ACTN4: variants seen among roughly 807,000 people sequenced by gnomAD.
The protein encoded by ACTN4 is alpha-actinin-4.
Under a neutral mutation model 114.2 loss-of-function variants are expected in ACTN4, and 18 were observed. The observed-to-expected ratio is 0.16, with a 90% CI of 0.11 to 0.23. ACTN4 has a LOEUF of 0.23. ACTN4 is among the 10% of genes least tolerant of loss of function. The probability of loss-of-function intolerance (pLI) is 1.00; values close to 1 mark genes in which losing one functional copy is unlikely to be tolerated. For missense variants in ACTN4, 722 were observed against 1,262.9 expected, an observed-to-expected ratio of 0.57 and a Z score of 6.49; for synonymous variants, 515 against 506.3, an observed-to-expected ratio of 1.02 and a Z score of -0.23.
Position 38,730,918 on chromosome 19 carries a change from C to A in ACTN4, c.*1486C>A. The stretch of plus-strand genomic sequence containing the variant: ...GAAGACAGTGGCTTGAGGCAGGGAG[C>A]TCGCAGGACAGAGCCTGAGCCACCC... On this transcript the variant is annotated 3_prime_UTR_variant, in exon 21 of 21. Transcript: ENST00000252699. 1.9e-6 allele frequency: 3 copies of A among 1,550,574 alleles called. No individual in the cohort carries two copies. The highest frequency in any genetic ancestry group is 2.6e-6 in the Non-Finnish European group (3 of 1,147,060).
intron 8 of ACTN4, among the ~76,000 whole-genome samples, chr19:38,711,980 G>A (rs1007926905): frequency 6.6e-5 from 10 of 152,204 alleles, no homozygotes; most frequent in African/African-American, 1.9e-4. Context: ...TGCTCCCCCC[G>A]CTTGCCTTGT....
intron 1 of ACTN4, among the ~76,000 whole-genome samples, chr19:38,650,389 C>G (rs1336714248): frequency 6.6e-6 from 1 of 152,082 alleles, no homozygotes; most frequent in African/African-American, 2.4e-5. Context: ...CTCCCCAGAA[C>G]CTCCAGGCCT....
Position 38,731,024 on chromosome 19 carries a change from C to T in ACTN4, c.*1592C>T, listed in dbSNP as rs1358560846. The stretch of plus-strand genomic sequence containing the variant: ...CCATCCAGGTGCTGGCTGCAGTGGC[C>T]TGTGCAGAGAGGGGCAGGGTGAGTG... On this transcript the variant is annotated 3_prime_UTR_variant, in exon 21 of 21. Coordinates refer to ENST00000252699, the MANE Select transcript of ACTN4 (RefSeq NM_004924.6). 6.4e-7 allele frequency: 1 copy of T among 1,554,814 alleles called. No individual in the cohort carries two copies.
At chr19:38,729,191 G>C (rs375663379) in intron 20 of ACTN4, 37 bp downstream of exon 20, 1 of 1,612,678 alleles carries the variant, frequency 6.2e-7, no homozygotes, top group African/African-American at 1.3e-5. Flanking sequence ...GGGGGCTGGC[G>C]AGAGGGGTCC....
intron 1 of ACTN4, among the ~76,000 whole-genome samples, chr19:38,650,945 C>A (rs1187936022): frequency 6.6e-6 from 1 of 152,160 alleles, no homozygotes; most frequent in Non-Finnish European, 1.5e-5. Flanking sequence ...GTTGGTCGGG[C>A]TGGTCTCAAA....
chr19:38,718,089 T>C lies in ACTN4; in HGVS notation c.1291+15T>C, dbSNP rs1295115326. The C allele has an allele frequency of 1.3e-6, 2 of 1,595,366 alleles. No homozygotes were observed. The highest frequency in any genetic ancestry group is 1.7e-6 in the Non-Finnish European group (2 of 1,170,708). The stretch of plus-strand genomic sequence containing the variant: ...CTGGACTGACGGTACGGCCCAGCTC[T>C]GCCCCACTCTGCCCAGCCCCGCTCC... On this transcript the variant is annotated intron_variant, in intron 11 of 20. Transcript: ENST00000252699.
At chr19:38,726,139 T>C (rs1969225310) in intron 17 of ACTN4, among the ~76,000 whole-genome samples, 1 of 152,056 alleles carries the variant, frequency 6.6e-6, no homozygotes, top group African/African-American at 2.4e-5. Flanking sequence ...AATGAAAATA[T>C]TAGCCAGGCA....
intron 19 of ACTN4, chr19:38,728,377 GC>G: frequency 7.2e-7 from 1 of 1,389,756 alleles, no homozygotes; most frequent in Non-Finnish European, 9.6e-7. Context: ...ACAGGATACA[GC>G]CTGGTATGCA....
chr19:38,658,591 TGC>T (rs1976779302), intron 1 of ACTN4, among the ~76,000 whole-genome samples: 2 of 152,212 alleles, frequency 1.3e-5, no homozygotes. Flanking sequence ...TGGTATGCCT[TGC>T]ATTTGGAAGG....
intron 8 of ACTN4, among the ~76,000 whole-genome samples, chr19:38,712,947 C>T (rs1021083347): frequency 6.6e-6 from 1 of 150,988 alleles, no homozygotes; most frequent in Non-Finnish European, 1.5e-5. Flanking sequence ...GGAGGCTTGT[C>T]ACTGGCCCCT....
At chr19:38,703,538 G>A (rs941444433) in intron 3 of ACTN4, among the ~76,000 whole-genome samples, 10 of 152,060 alleles carry the variant, frequency 6.6e-5, no homozygotes, top group Non-Finnish European at 1.5e-4. Context: ...CACCACAGCC[G>A]GCCGCAAATG....
At chr19:38,651,859 G>C (rs547648042) in intron 1 of ACTN4, among the ~76,000 whole-genome samples, 135 of 152,174 alleles carry the variant, frequency 8.9e-4, no homozygotes, top group Middle Eastern at 3.4e-3. Context: ...AGCCTCCTGA[G>C]TAGCTGGGAC....
At chr19:38,688,065 A>G (rs1354670925) in intron 1 of ACTN4, among the ~76,000 whole-genome samples, 2 of 142,094 alleles carry the variant, frequency 1.4e-5, no homozygotes, top group African/African-American at 2.6e-5. Context: ...CAAATGGTCA[A>G]TAAGCACATG....
rs1968039562 is a variant in ACTN4 at position 38,694,841 on chromosome 19, G to A, written c.163-5759G>A. ...GTTATAGCATAATTACCTTTAATAT[G>A]TCATGCCCCCCGCACCCCCGTGCTG... On this transcript the variant is annotated intron_variant, in intron 1 of 20. Coordinates refer to ENST00000252699, the MANE Select transcript of ACTN4 (RefSeq NM_004924.6). Among the ~76,000 whole-genome samples the A allele has an allele frequency of 2.0e-5, 3 of 152,052 alleles. No homozygotes were observed. In the South Asian group the frequency reaches 6.2e-4, roughly 32 times the overall value.
At chr19:38,712,963 AG>A (rs1217516556) in intron 8 of ACTN4, among the ~76,000 whole-genome samples, 2 of 135,180 alleles carry the variant, frequency 1.5e-5, no homozygotes, top group Admixed American at 1.5e-4. Flanking sequence ...CCCCTCTCTG[AG>A]GGGGTAGTGG....
rs1162352252 is a variant in ACTN4 at position 38,730,834 on chromosome 19, T to C, written c.*1402T>C. The C allele has an allele frequency of 1.3e-6, 2 of 1,550,568 alleles. No homozygotes were observed. The highest frequency in any genetic ancestry group is 2.7e-5 in the African/African-American group (2 of 73,048). ...CAGCAACCCTGCCCTGAGCAGCAGG[T>C]GCGCCCATCCGGAGATCCTAGGAGA... On this transcript the variant is annotated 3_prime_UTR_variant, in exon 21 of 21. Coordinates refer to ENST00000252699, the MANE Select transcript of ACTN4 (RefSeq NM_004924.6).
intron 6 of ACTN4, among the ~76,000 whole-genome samples, chr19:38,708,923 G>A (rs1968551023): frequency 6.6e-6 from 1 of 152,184 alleles, no homozygotes; most frequent in Non-Finnish European, 1.5e-5. Flanking sequence ...GAGTTGGAGT[G>A]CAGTGGGCTT....
Position 38,730,898 on chromosome 19 carries a change from CAG to C in ACTN4, c.*1467_*1468del, listed in dbSNP as rs764457209. The C allele has an allele frequency of 1.9e-6, 3 of 1,551,208 alleles. No homozygotes were observed. The highest frequency in any genetic ancestry group is 1.7e-6 in the Non-Finnish European group (2 of 1,147,284). On this transcript the variant is annotated 3_prime_UTR_variant, in exon 21 of 21. Transcript: ENST00000252699. ...CATCCACTAAGGAAGAGAAGGAAGACAGTGGCTTGAGGCAGGGAGCTCGCAGG... is the reference window on the plus strand; with the variant it reads ...CATCCACTAAGGAAGAGAAGGAAGACTGGCTTGAGGCAGGGAGCTCGCAGG...
At position 38,663,978 on chromosome 19, in the gene ACTN4, T is replaced by C. The variant is rs532463733; in HGVS notation, c.162+16071T>C. ...GACTCCCTTCTCATGTCCAAGGGTC[T>C]CCCCAAGCCCTGTGTCTCAGCCCCT... On this transcript the variant is annotated intron_variant, in intron 1 of 20. Transcript: ENST00000252699. Among the ~76,000 whole-genome samples the C allele has an allele frequency of 3.9e-5, 6 of 152,316 alleles. No homozygotes were observed. The East Asian group carries it at 1.2e-3, about 29-fold the overall frequency.
Sources: gnomAD v4.1 joint callset for allele counts (sites outside exome capture counted in the v4.1 genomes callset) on GRCh38, gnomAD v4.1.1 for gene constraint, MANE v1.5 for transcripts, NCBI Gene and HGNC (gene_info 2026-07-23, HGNC 2026-07-21) for gene names.